EYS: variants seen among roughly 807,000 people sequenced by gnomAD.
EYS encodes the protein protein eyes shut homolog.
In EYS, 250 loss-of-function variants were observed where a neutral mutation model predicts 282.1. The ratio of observed to expected loss-of-function variants is 0.89; its 90% confidence interval spans 0.80 to 0.98. The LOEUF is 0.98. Ranked by LOEUF, EYS falls within the 50% of genes least tolerant of loss-of-function variation. The probability of loss-of-function intolerance (pLI) is 0.00; values close to 1 mark genes in which losing one functional copy is unlikely to be tolerated. For synonymous variants in EYS, 1,355 were observed against 1,282.9 expected, an observed-to-expected ratio of 1.06 and a Z score of -1.20; for missense variants, 4,016 against 3,709.0, an observed-to-expected ratio of 1.08 and a Z score of -2.15.
intron 2 of EYS, among the ~76,000 whole-genome samples, chr6:65,533,603 G>T (rs1010044816): frequency 6.6e-6 from 1 of 152,000 alleles, no homozygotes; most frequent in Non-Finnish European, 1.5e-5. Context: ...GTGAATTGGG[G>T]GAGATGATTA....
chr6:64,588,135 G>T (rs942674522), intron 26 of EYS, among the ~76,000 whole-genome samples: 1 of 151,854 alleles, frequency 6.6e-6, no homozygotes, highest in Non-Finnish European at 1.5e-5. Flanking sequence ...AGAAAGATCA[G>T]AAAAAAATTC....
chr6:63,864,042 T>C lies in EYS; in HGVS notation c.7228+144A>G, dbSNP rs1253408822. On this transcript the variant is annotated intron_variant, in intron 36 of 42. Coordinates refer to ENST00000503581, the MANE Select transcript of EYS (RefSeq NM_001142800.2). ...TGGTGATCAGTCTCACTAATGGGTC[T>C]TGTCTCAACTAACTTGAAAAGAACC... The C allele has an allele frequency of 5.5e-6, 4 of 722,978 alleles. 1 individual carries two copies. In the Admixed American group the frequency reaches 1.5e-4, roughly 27 times the overall value. The allele number at this position is 722,978 out of a possible 1,614,324, so 44.8% of individuals were successfully genotyped here.
intron 19 of EYS, among the ~76,000 whole-genome samples, chr6:64,828,061 G>A (rs1765109283): frequency 2.6e-5 from 4 of 151,868 alleles, no homozygotes. Context: ...AATATCAAAA[G>A]AGATGGAAAC....
At chr6:65,336,300 G>A (rs552315609) in intron 10 of EYS, among the ~76,000 whole-genome samples, 4 of 151,530 alleles carry the variant, frequency 2.6e-5, no homozygotes, top group South Asian at 2.1e-4. Context: ...TTCAAAGTTT[G>A]AATTTCAAGC....
At chr6:64,071,899 C>T (rs1056362820) in intron 32 of EYS, among the ~76,000 whole-genome samples, 4 of 151,506 alleles carry the variant, frequency 2.6e-5, no homozygotes, top group Non-Finnish European at 4.4e-5. Context: ...ATTTTACTCT[C>T]GCACTGGACA....
In EYS at chr6:65,587,318, C is replaced by T. The variant is rs547370497; in HGVS notation, c.-333+52460G>A. Reference sequence around the variant, plus strand: ...GGTTCAGTTGTGTCCCCACCCAAATCTCATCTTAAATTGTAGTTCCCATAA... The same window carrying T: ...GGTTCAGTTGTGTCCCCACCCAAATTTCATCTTAAATTGTAGTTCCCATAA... On this transcript the variant is annotated intron_variant, in intron 2 of 42. Transcript: ENST00000503581. Among the ~76,000 whole-genome samples the T allele has an allele frequency of 2.6e-5, 4 of 152,174 alleles. No individual in the cohort carries two copies. In the South Asian group the frequency reaches 8.3e-4, roughly 32 times the overall value.
At chr6:64,461,907 A>C (rs371952798) in intron 26 of EYS, among the ~76,000 whole-genome samples, 9 of 152,272 alleles carry the variant, frequency 5.9e-5, no homozygotes, top group African/African-American at 2.2e-4. Flanking sequence ...ATAATTTGGA[A>C]CTCATACTAT....
intron 26 of EYS, among the ~76,000 whole-genome samples, chr6:64,527,779 AT>A (rs1777971346): frequency 6.6e-6 from 1 of 151,792 alleles, no homozygotes; most frequent in South Asian, 2.1e-4. Flanking sequence ...CCCAAAGTAT[AT>A]GTTTTTTGTT....
chr6:64,366,131 T>C lies in EYS; in HGVS notation c.6078+22559A>G, dbSNP rs146300773. Among the ~76,000 whole-genome samples the C allele has an allele frequency of 7.2e-5, 11 of 152,192 alleles. No individual in the cohort carries two copies. In the East Asian group the frequency reaches 1.7e-3, roughly 24 times the overall value. On this transcript the variant is annotated intron_variant, in intron 29 of 42. Coordinates refer to ENST00000503581, the MANE Select transcript of EYS (RefSeq NM_001142800.2). ...TAATTTTTTCAGGTTGAATTTGCTC[T>C]TCTGCCATTAGGAAGTGAAGTGAAG... is the stretch of plus-strand genomic sequence containing the variant.
At chr6:64,564,003 G>A (rs1007036972) in intron 26 of EYS, among the ~76,000 whole-genome samples, 1 of 151,474 alleles carries the variant, frequency 6.6e-6, no homozygotes, top group African/African-American at 2.4e-5. Context: ...AGTTCATCCT[G>A]CTTTCAAAAA....
intron 5 of EYS, among the ~76,000 whole-genome samples, chr6:65,427,359 C>T (rs1264186404): frequency 6.6e-6 from 1 of 151,912 alleles, no homozygotes; most frequent in Non-Finnish European, 1.5e-5. Flanking sequence ...TATGCTATTT[C>T]CCTCAATGCA....
At chr6:64,796,185 T>C (rs1774349414) in intron 22 of EYS, among the ~76,000 whole-genome samples, 1 of 152,206 alleles carries the variant, frequency 6.6e-6, no homozygotes, top group Non-Finnish European at 1.5e-5. Flanking sequence ...TTATTCATGT[T>C]TGCCCAATCA....
At chr6:65,427,963 TAAAG>T (rs377075055) in intron 5 of EYS, among the ~76,000 whole-genome samples, 2,250 of 152,008 alleles carry the variant, frequency 0.015, 58 homozygotes, top group African/African-American at 0.052. Flanking sequence ...AAAGTACAAA[TAAAG>T]AAAATTTCAT....
rs553334534 is a variant in EYS, at chr6:65,377,605, TA to T, written c.1299+6780del. ...CAAGGAGCTGTTCTTTTGAAAAGATTAAAAAAATAGATAGACCACTAGCCAG... is the reference window on the plus strand; with the variant it reads ...CAAGGAGCTGTTCTTTTGAAAAGATTAAAAAATAGATAGACCACTAGCCAG... On this transcript the variant is annotated intron_variant, in intron 8 of 42. Coordinates refer to ENST00000503581, the MANE Select transcript of EYS (RefSeq NM_001142800.2). Among the ~76,000 whole-genome samples, 103 of 151,248 alleles carry T rather than the reference TA, an allele frequency of 6.8e-4. No individual in the cohort carries two copies. In the East Asian group the frequency reaches 7.2e-3, roughly 11 times the overall value.
chr6:64,460,611 T>C (rs1775713152), intron 26 of EYS, among the ~76,000 whole-genome samples: 1 of 152,236 alleles, frequency 6.6e-6, no homozygotes, highest in Admixed American at 6.5e-5. Flanking sequence ...TATTTACTAA[T>C]GTAGTATCTT....
At chr6:65,088,389 A>G (rs1371208946) in intron 12 of EYS, among the ~76,000 whole-genome samples, 1 of 152,190 alleles carries the variant, frequency 6.6e-6, no homozygotes, top group Non-Finnish European at 1.5e-5. Context: ...TGATATGCAC[A>G]AGTTCATCCG....
chr6:64,627,634 G>A (rs1485823779), intron 22 of EYS, among the ~76,000 whole-genome samples: 1 of 152,118 alleles, frequency 6.6e-6, no homozygotes, highest in East Asian at 1.9e-4. Context: ...AGTTACTTAG[G>A]TGATACAAAA....
chr6:64,122,472 C>T (rs1440781748), intron 31 of EYS, among the ~76,000 whole-genome samples: 2 of 152,040 alleles, frequency 1.3e-5, no homozygotes, highest in East Asian at 3.9e-4. Flanking sequence ...TACGAATAAA[C>T]ATTTTATGGT....
intron 35 of EYS, among the ~76,000 whole-genome samples, chr6:63,872,223 C>T (rs191514632): frequency 2.0e-4 from 30 of 152,184 alleles, no homozygotes; most frequent in African/African-American, 7.0e-4. Flanking sequence ...TATATGGCTT[C>T]TTCTTTCCCA....
Sources: allele counts gnomAD v4.1 joint callset (sites outside exome capture counted in the v4.1 genomes callset), GRCh38; gene constraint gnomAD v4.1.1; transcripts MANE v1.5; gene names NCBI Gene and HGNC (gene_info 2026-07-23, HGNC 2026-07-21).